BRINP3: variants seen among roughly 807,000 people sequenced by gnomAD.
BRINP3 encodes BMP/retinoic acid-inducible neural-specific protein 3.
Under a neutral mutation model 71.0 loss-of-function variants are expected in BRINP3, and 19 were observed. The ratio of observed to expected loss-of-function variants is 0.27; its 90% CI spans 0.19 to 0.39. The LOEUF is 0.39. Ranked by LOEUF, BRINP3 falls within the 10% of genes least tolerant of loss-of-function variation. The probability of loss-of-function intolerance (pLI) is 1.00; values close to 1 mark genes in which losing one functional copy is unlikely to be tolerated. For synonymous variants in BRINP3, 380 were observed against 337.7 expected (o/e 1.13, Z -1.37); for missense variants, 959 against 940.8 (o/e 1.02, Z -0.25).
At chr1:190,173,739 A>T (rs767451706) in intron 6 of BRINP3, among the ~76,000 whole-genome samples, 3 of 152,194 alleles carry the variant, frequency 2.0e-5, no homozygotes, top group Non-Finnish European at 4.4e-5. Flanking sequence ...CATATAAGTA[A>T]CATATTTTAT....
At chr1:190,326,221 T>C (rs1298285060) in intron 2 of BRINP3, among the ~76,000 whole-genome samples, 1 of 151,928 alleles carries the variant, frequency 6.6e-6, no homozygotes, top group African/African-American at 2.4e-5. Context: ...AATAATCCAG[T>C]CAGACAAAAA....
chr1:190,449,006 G>A (rs1397443325), intron 2 of BRINP3, among the ~76,000 whole-genome samples: 1 of 151,718 alleles, frequency 6.6e-6, no homozygotes, highest in Non-Finnish European at 1.5e-5. Context: ...ATTTTTCTAA[G>A]GTTTTACTCA....
At chr1:190,262,219 G>A (rs562673927) in intron 4 of BRINP3, among the ~76,000 whole-genome samples, 42 of 152,162 alleles carry the variant, frequency 2.8e-4, no homozygotes, top group African/African-American at 1.0e-3. Flanking sequence ...GCCCTTCCCT[G>A]GAACCTTCAT....
intron 4 of BRINP3, among the ~76,000 whole-genome samples, chr1:190,254,369 G>C (rs1026980256): frequency 2.0e-5 from 3 of 151,658 alleles, no homozygotes; most frequent in Non-Finnish European, 2.9e-5. Flanking sequence ...TGGGCAGTAT[G>C]GCCATTTTCA....
intron 3 of BRINP3, among the ~76,000 whole-genome samples, chr1:190,271,045 CATTTTA>C (rs1236072369): frequency 6.6e-6 from 1 of 151,544 alleles, no homozygotes; most frequent in Non-Finnish European, 1.5e-5. Context: ...GCAAGAAAGC[CATTTTA>C]AATATGTGAA....
chr1:190,098,938 C>A lies in BRINP3; in HGVS notation c.1381G>T (p.Gly461Cys). The change falls in exon 8 of 8, where the codon GGC becomes TGC. Residue 461 changes from glycine (G) to cysteine (C), a missense_variant. By Grantham distance (159) the Gly-to-Cys change is radical (BLOSUM62 -3). Coordinates refer to ENST00000367462, the MANE Select transcript of BRINP3 (RefSeq NM_199051.3). ...AGCATGTAGCCGGTGTTGCAGGTGC[C>A]GCAGCGGGTGCGGTTGTCTGGTGCG... The part of the protein sequence containing the change: ...TCAPDNRTRC[G>C]TCNTGYMLSQ... 4 of 1,614,134 alleles carry A rather than the reference C, an allele frequency of 2.5e-6. No individual in the cohort carries two copies. The highest frequency in any genetic ancestry group is 1.7e-6 in the Non-Finnish European group (2 of 1,180,030).
chr1:190,214,572 A>T (rs765669595), intron 6 of BRINP3, among the ~76,000 whole-genome samples: 3 of 152,000 alleles, frequency 2.0e-5, no homozygotes, highest in African/African-American at 4.8e-5. Flanking sequence ...GTTTTGGCCA[A>T]TGGAATCCTG....
At chr1:190,178,217 G>C (rs556381443) in intron 6 of BRINP3, among the ~76,000 whole-genome samples, 1 of 152,208 alleles carries the variant, frequency 6.6e-6, no homozygotes, top group African/African-American at 2.4e-5. Flanking sequence ...TAGTACTATG[G>C]ACCTATAATT....
At chr1:190,420,484 AC>A (rs1439323315) in intron 2 of BRINP3, among the ~76,000 whole-genome samples, 1 of 151,952 alleles carries the variant, frequency 6.6e-6, no homozygotes, top group Non-Finnish European at 1.5e-5. Flanking sequence ...CCCTAAGTTA[AC>A]CAAAGTGATC....
At chr1:190,151,232 A>C (rs546430525) in intron 7 of BRINP3, among the ~76,000 whole-genome samples, 8 of 152,198 alleles carry the variant, frequency 5.3e-5, no homozygotes, top group Non-Finnish European at 1.0e-4. Context: ...AAAACAAGTA[A>C]AATTGTTTAG....
chr1:190,286,065 C>A (rs904507745), intron 2 of BRINP3, among the ~76,000 whole-genome samples: 2 of 152,038 alleles, frequency 1.3e-5, no homozygotes, highest in African/African-American at 4.8e-5. Context: ...TTCAAGACAC[C>A]ACTGTGATAT....
chr1:190,192,656 T>C (rs1335916834), intron 6 of BRINP3, among the ~76,000 whole-genome samples: 1 of 151,932 alleles, frequency 6.6e-6, no homozygotes, highest in Non-Finnish European at 1.5e-5. Flanking sequence ...TCAAAAACAC[T>C]GATCCAAGGT....
intron 2 of BRINP3, among the ~76,000 whole-genome samples, chr1:190,286,928 A>G (rs1663469621): frequency 6.6e-6 from 1 of 151,976 alleles, no homozygotes; most frequent in South Asian, 2.1e-4. Context: ...CTTTAAAAGC[A>G]TTTTTACTGG....
At chr1:190,345,199 T>C (rs1029843237) in intron 2 of BRINP3, among the ~76,000 whole-genome samples, 1 of 151,862 alleles carries the variant, frequency 6.6e-6, no homozygotes, top group African/African-American at 2.4e-5. Context: ...GTCTACTGTC[T>C]CTATACCATT....
At chr1:190,389,137 A>G (rs1388729056) in intron 2 of BRINP3, among the ~76,000 whole-genome samples, 2 of 151,838 alleles carry the variant, frequency 1.3e-5, no homozygotes, top group African/African-American at 2.4e-5. Context: ...AAGAAAAAAT[A>G]TTAAACACAT....
At chr1:190,439,847 C>G (rs1040455887) in intron 2 of BRINP3, among the ~76,000 whole-genome samples, 1 of 151,864 alleles carries the variant, frequency 6.6e-6, no homozygotes, top group Non-Finnish European at 1.5e-5. Context: ...AAACAGGACT[C>G]AAGCTATAAG....
chr1:190,288,761 G>A (rs1571641412), intron 2 of BRINP3, among the ~76,000 whole-genome samples: 2 of 151,638 alleles, frequency 1.3e-5, no homozygotes, highest in South Asian at 2.1e-4. Context: ...TATTGATTAA[G>A]GTAATGCGAT....
intron 6 of BRINP3, among the ~76,000 whole-genome samples, chr1:190,180,466 T>A (rs1331444130): frequency 1.3e-5 from 2 of 152,082 alleles, no homozygotes; most frequent in Non-Finnish European, 2.9e-5. Context: ...ATCAGAAAAG[T>A]TCATTCCCAA....
At chr1:190,445,401 AT>A (rs964597267) in intron 2 of BRINP3, among the ~76,000 whole-genome samples, 2 of 152,186 alleles carry the variant, frequency 1.3e-5, no homozygotes, top group African/African-American at 4.8e-5. Flanking sequence ...ATTAAAAAAT[AT>A]TGTCAGCATT....
Sources: gnomAD v4.1 joint callset for allele counts (sites outside exome capture counted in the v4.1 genomes callset) on GRCh38, gnomAD v4.1.1 for gene constraint, MANE v1.5 for transcripts, NCBI Gene and HGNC (gene_info 2026-07-23, HGNC 2026-07-21) for gene names.